DEPDC1B: variants seen among roughly 807,000 people sequenced by gnomAD.
DEPDC1B encodes the protein DEP domain-containing protein 1B.
A neutral mutation model predicts 66.5 loss-of-function variants in DEPDC1B; 51 were observed. The ratio of observed to expected loss-of-function variants is 0.77; its 90% CI spans 0.61 to 0.97. DEPDC1B has a LOEUF of 0.97. Among genes scored for constraint, DEPDC1B ranks in the 50% least tolerant of loss-of-function variants. The pLI is 0.00. For missense variants in DEPDC1B, 552 were observed against 637.1 expected, an observed-to-expected ratio of 0.87 and a Z score of 1.44; for synonymous variants, 226 against 223.6, an observed-to-expected ratio of 1.01 and a Z score of -0.10.
intron 5 of DEPDC1B, 65 bp downstream of exon 5, chr5:60,644,680 G>T: frequency 7.2e-7 from 1 of 1,388,654 alleles, no homozygotes; most frequent in Non-Finnish European, 9.7e-7. Context: ...TCAGAAAGGA[G>T]CTGATGGACC....
intron 7 of DEPDC1B, among the ~76,000 whole-genome samples, chr5:60,621,536 G>T (rs968142259): frequency 3.3e-5 from 5 of 151,796 alleles, no homozygotes; most frequent in Admixed American, 1.3e-4. Context: ...GCCTGTCCTG[G>T]GGTAGGGGGA....
At chr5:60,615,797 G>T (rs1227353506) in intron 7 of DEPDC1B, among the ~76,000 whole-genome samples, 1 of 152,184 alleles carries the variant, frequency 6.6e-6, no homozygotes, top group Non-Finnish European at 1.5e-5. Flanking sequence ...GAGAGTAGTG[G>T]TTCTCCCAGC....
intron 2 of DEPDC1B, among the ~76,000 whole-genome samples, chr5:60,653,217 C>T (rs1329605500): frequency 2.0e-5 from 3 of 149,380 alleles, no homozygotes; most frequent in African/African-American, 7.5e-5. Flanking sequence ...TACTAGTTTA[C>T]ATTCCCACCA....
At chr5:60,608,644 C>A (rs1200915307) in intron 7 of DEPDC1B, among the ~76,000 whole-genome samples, 2 of 65,786 alleles carry the variant, frequency 3.0e-5, no homozygotes, top group African/African-American at 3.8e-4. Flanking sequence ...TACCTCAGGG[C>A]TGTAAAATAT....
intron 7 of DEPDC1B, among the ~76,000 whole-genome samples, chr5:60,610,244 G>A (rs1752388521): frequency 6.6e-6 from 1 of 152,166 alleles, no homozygotes; most frequent in African/African-American, 2.4e-5. Context: ...ACCGATTGTG[G>A]ACAAGTCAAC....
At chr5:60,651,455 G>A (rs1753448992) in intron 2 of DEPDC1B, among the ~76,000 whole-genome samples, 1 of 151,630 alleles carries the variant, frequency 6.6e-6, no homozygotes, top group Admixed American at 6.6e-5. Flanking sequence ...CTGAACCCAG[G>A]AGGCGGAGGT....
chr5:60,608,444 T>C (rs1217872493), intron 7 of DEPDC1B, among the ~76,000 whole-genome samples: 1 of 148,208 alleles, frequency 6.7e-6, no homozygotes, highest in Admixed American at 6.8e-5. Flanking sequence ...CTATATATTA[T>C]ATTATATTAT....
chr5:60,636,290 A>C (rs1753042295), intron 7 of DEPDC1B, among the ~76,000 whole-genome samples: 1 of 152,228 alleles, frequency 6.6e-6, no homozygotes, highest in Non-Finnish European at 1.5e-5. Flanking sequence ...AAAACTGCCA[A>C]GTCTTTTTTA....
intron 7 of DEPDC1B, among the ~76,000 whole-genome samples, chr5:60,627,075 G>C (rs1193516386): frequency 6.6e-6 from 1 of 152,018 alleles, no homozygotes; most frequent in Admixed American, 6.6e-5. Flanking sequence ...TTTTAGTTTT[G>C]CATCAAATGT....
chr5:60,621,523 G>A (rs747994656), intron 7 of DEPDC1B, among the ~76,000 whole-genome samples: 11 of 151,722 alleles, frequency 7.3e-5, no homozygotes, highest in East Asian at 3.9e-4. Context: ...ATAACACACC[G>A]GGGCCTGTCC....
At chr5:60,687,566 G>A (rs1184402025) in intron 1 of DEPDC1B, among the ~76,000 whole-genome samples, 2 of 150,322 alleles carry the variant, frequency 1.3e-5, no homozygotes, top group East Asian at 2.0e-4. Context: ...TAGCTTTGTC[G>A]CCCAGGCTGG....
chr5:60,667,780 T>TATATAAAAAATGGATATTTTAC (rs1753896359), intron 2 of DEPDC1B, among the ~76,000 whole-genome samples: 1 of 134,658 alleles, frequency 7.4e-6, no homozygotes, highest in Non-Finnish European at 1.5e-5. Context: ...ATTTTACATA[T>TATATAAAAAATGGATATTTTAC]ATATAAAAAA....
At chr5:60,665,674 T>G (rs1753820846) in intron 2 of DEPDC1B, among the ~76,000 whole-genome samples, 1 of 151,976 alleles carries the variant, frequency 6.6e-6, no homozygotes, top group African/African-American at 2.4e-5. Flanking sequence ...CCAACAACAC[T>G]TGGGTTTTCC....
intron 1 of DEPDC1B, among the ~76,000 whole-genome samples, chr5:60,697,312 A>G (rs1424172539): frequency 6.6e-6 from 1 of 152,160 alleles, no homozygotes; most frequent in Non-Finnish European, 1.5e-5. Context: ...CTAAAGCTGT[A>G]CATGCTTTGA....
intron 7 of DEPDC1B, among the ~76,000 whole-genome samples, chr5:60,624,203 G>T (rs915479027): frequency 1.3e-5 from 2 of 152,092 alleles, no homozygotes; most frequent in Non-Finnish European, 2.9e-5. Context: ...TATCATTAAT[G>T]GGTGTTGAAT....
rs1455287691 is a variant in DEPDC1B at position 60,654,937 on chromosome 5, G to A, written c.315-7404C>T. Among the ~76,000 whole-genome samples, 2 of 148,970 alleles carry A rather than the reference G, an allele frequency of 1.3e-5. 1 individual carries two copies. Among genetic ancestry groups the A allele is most frequent in the African/African-American group, 5.1e-5 (2 of 39,504 alleles). On this transcript the variant is annotated intron_variant, in intron 2 of 10. Transcript: ENST00000265036. ...TGTGGTATATCACATTTATTGACTT[G>A]CAGATGTTAAACCATCCCTGCATCC... is the stretch of plus-strand genomic sequence containing the variant.
At chr5:60,668,700 C>T (rs1753962078) in intron 2 of DEPDC1B, among the ~76,000 whole-genome samples, 5 of 152,118 alleles carry the variant, frequency 3.3e-5, no homozygotes, top group Admixed American at 3.3e-4. Context: ...TAAAAATATA[C>T]TCAACCTCAT....
At chr5:60,615,502 C>T (rs752458779) in intron 7 of DEPDC1B, among the ~76,000 whole-genome samples, 1 of 152,216 alleles carries the variant, frequency 6.6e-6, no homozygotes. Context: ...AGATTATATC[C>T]CGTGCCTGGC....
chr5:60,665,281 C>G (rs1242661001), intron 2 of DEPDC1B, among the ~76,000 whole-genome samples: 1 of 152,176 alleles, frequency 6.6e-6, no homozygotes. Context: ...GCATTAATAG[C>G]ACCCATGATA....
Sources: allele counts gnomAD v4.1 joint callset (sites outside exome capture counted in the v4.1 genomes callset), GRCh38; gene constraint gnomAD v4.1.1; transcripts MANE v1.5; gene names NCBI Gene and HGNC (gene_info 2026-07-23, HGNC 2026-07-21).